GLUD1: variants seen among roughly 807,000 people sequenced by gnomAD.
The protein encoded by GLUD1 is glutamate dehydrogenase 1.
In GLUD1, 22 loss-of-function variants were observed where a neutral mutation model predicts 56.0. That is an observed-to-expected ratio of 0.39 (90% CI 0.28 to 0.56). The LOEUF is 0.56. Ranked by LOEUF, GLUD1 falls within the 20% of genes least tolerant of loss-of-function variation. The pLI, the probability that GLUD1 is intolerant of heterozygous loss-of-function variation, is 0.58. For synonymous variants in GLUD1, 223 were observed against 269.9 expected (o/e 0.83, Z 1.70); for missense variants, 451 against 732.0 (o/e 0.62, Z 4.43).
In GLUD1 at chr10:87,057,676, G is replaced by A. The variant is rs1845821460; in HGVS notation, c.1494+15C>T. 1 of 1,320,378 alleles carries A rather than the reference G, an allele frequency of 7.6e-7. No homozygotes were observed. The highest frequency in any genetic ancestry group is 1.1e-6 in the Non-Finnish European group (1 of 911,956). The allele number at this position is 1,320,378 out of a possible 1,614,324, so 81.8% of individuals were successfully genotyped here. On this transcript the variant is annotated intron_variant, in intron 11 of 12. Transcript: ENST00000277865. ...GAGCATGTGTGAAGTACAACTGTGGGGTCACCACACTCACCGATATCCTGT... is the reference window on the plus strand; with the variant it reads ...GAGCATGTGTGAAGTACAACTGTGGAGTCACCACACTCACCGATATCCTGT...
chr10:87,061,869 C>T (rs1485094086), intron 6 of GLUD1, among the ~76,000 whole-genome samples: 2 of 151,286 alleles, frequency 1.3e-5, no homozygotes, highest in African/African-American at 4.9e-5. Context: ...CTGCAAGCTC[C>T]ACCTCCCGGG....
intron 1 of GLUD1, among the ~76,000 whole-genome samples, chr10:87,077,907 C>G (rs1002372792): frequency 2.0e-5 from 3 of 151,950 alleles, no homozygotes; most frequent in Non-Finnish European, 4.4e-5. Context: ...GTAATGGGAG[C>G]CCCAGGGAGA....
intron 11 of GLUD1, among the ~76,000 whole-genome samples, chr10:87,056,790 T>C (rs1845787728): frequency 6.6e-6 from 1 of 151,968 alleles, no homozygotes. Context: ...TCACCACATA[T>C]ATGGAGAACA....
chr10:87,073,594 A>C (rs1403387604), intron 4 of GLUD1, among the ~76,000 whole-genome samples: 1 of 150,616 alleles, frequency 6.6e-6, no homozygotes, highest in Non-Finnish European at 1.5e-5. Context: ...TCTATTATTA[A>C]GTAACAATTA....
intron 1 of GLUD1, among the ~76,000 whole-genome samples, chr10:87,080,845 G>T (rs1303332117): frequency 6.6e-6 from 1 of 151,112 alleles, no homozygotes; most frequent in East Asian, 2.0e-4. Context: ...CGGGAGGGAG[G>T]TGGGGGGGTC....
At chr10:87,075,132 G>A (rs1412346155) in intron 3 of GLUD1, among the ~76,000 whole-genome samples, 1 of 152,112 alleles carries the variant, frequency 6.6e-6, no homozygotes, top group Non-Finnish European at 1.5e-5. Context: ...TTGAGACAGA[G>A]TCTTGCTCTG....
In GLUD1 at chr10:87,093,843, T is replaced by C. The variant is rs1363443977; in HGVS notation, c.445+482A>G. On this transcript the variant is annotated intron_variant, in intron 1 of 12. Transcript: ENST00000277865. The stretch of plus-strand genomic sequence containing the variant: ...TTCAAACTTAGAAGCCAAGTCATTT[T>C]CTATGTTCGGATATCATCTGTCACT... 2.8e-6 allele frequency: 3 copies of C among 1,077,320 alleles called. No homozygotes were observed. In the African/African-American group the frequency reaches 4.8e-5, roughly 17 times the overall value. The allele number at this position is 1,077,320 out of a possible 1,614,324, so 66.7% of individuals were successfully genotyped here.
In GLUD1 at chr10:87,094,665, T is replaced by A; in HGVS notation, c.105A>T (p.Gly35=). ...DSAALLGWAR[G]QPAAAPQPGL... is the part of the protein sequence containing the mutation. ...CCGGCTGCGGGGCGGCGGCGGGCTGTCCCCGGGCCCAGCCCAGCAACGCGG... is the reference window on the plus strand; with the variant it reads ...CCGGCTGCGGGGCGGCGGCGGGCTGACCCCGGGCCCAGCCCAGCAACGCGG... The change falls in exon 1 of 13, where the codon GGA becomes GGT. Residue 35 remains glycine (G), a synonymous_variant. Coordinates refer to ENST00000277865, the MANE Select transcript of GLUD1 (RefSeq NM_005271.5). The surrounding 1 kb of genome is among the most constrained non-coding windows in gnomAD (Gnocchi z 6.6). The A allele has an allele frequency of 6.4e-7, 1 of 1,566,248 alleles. No individual in the cohort carries two copies.
Position 87,057,680 on chromosome 10 carries a change from AC to A in GLUD1, c.1494+10del. 1 of 1,394,398 alleles carries A rather than the reference AC, an allele frequency of 7.2e-7. No homozygotes were observed. The highest frequency in any genetic ancestry group is 1.0e-6 in the Non-Finnish European group (1 of 979,342). The allele number at this position is 1,394,398 out of a possible 1,614,324, so 86.4% of individuals were successfully genotyped here. On this transcript the variant is annotated intron_variant, in intron 11 of 12. Coordinates refer to ENST00000277865, the MANE Select transcript of GLUD1 (RefSeq NM_005271.5). ...ATGTGTGAAGTACAACTGTGGGGTC[AC>A]CACACTCACCGATATCCTGTCTTGG...
In GLUD1 at chr10:87,074,576, C is replaced by T. The variant is rs1165448993; in HGVS notation, c.621G>A (p.Met207Ile). Residue 207 changes from methionine to isoleucine, a missense_variant, in exon 4 of 13, where the codon ATG becomes ATA. Met to Ile is a conservative substitution (Grantham distance 10). Coordinates refer to ENST00000277865, the MANE Select transcript of GLUD1 (RefSeq NM_005271.5). The part of the protein sequence containing the change: ...ELEKITRRFT[M>I]ELAKKGFIGP... ...CAATAAAGCCCTTTTTTGCTAGCTC[C>T]ATGGTGAACCTCCTTGTGATCTTTT... 5.0e-6 allele frequency: 8 copies of T among 1,592,530 alleles called. No homozygotes were observed. The highest frequency in any genetic ancestry group is 2.2e-5 in the East Asian group (1 of 44,768).
At chr10:87,088,976 G>T (rs1309110440) in intron 1 of GLUD1, among the ~76,000 whole-genome samples, 1 of 152,148 alleles carries the variant, frequency 6.6e-6, no homozygotes, top group Non-Finnish European at 1.5e-5. Context: ...GTTATTTCAG[G>T]TCTTCGGAGT....
At chr10:87,068,342 A>T (rs139974792) in intron 4 of GLUD1, among the ~76,000 whole-genome samples, 185 bp from the exon 5 acceptor site, 1 of 152,266 alleles carries the variant, frequency 6.6e-6, no homozygotes, top group Non-Finnish European at 1.5e-5. Flanking sequence ...ATGCAGACAC[A>T]TACAACATTA....
chr10:87,063,922 A>C (rs1589362300), intron 5 of GLUD1, among the ~76,000 whole-genome samples: 2 of 151,456 alleles, frequency 1.3e-5, no homozygotes, highest in African/African-American at 2.4e-5. Flanking sequence ...TCTGTCACCC[A>C]GGCTGGAGTG....
intron 1 of GLUD1, among the ~76,000 whole-genome samples, chr10:87,080,986 C>A (rs1054075190): frequency 4.3e-5 from 6 of 139,468 alleles, no homozygotes; most frequent in Non-Finnish European, 9.4e-5. Context: ...GTCAGCCCCC[C>A]GCCCGGCCAG....
At chr10:87,053,247 T>C in intron 12 of GLUD1, 95 bp downstream of exon 12, 1 of 832,176 alleles carries the variant, frequency 1.2e-6, no homozygotes, top group East Asian at 2.4e-5. Context: ...AGATTGATGT[T>C]TTCTATCAGC....
In GLUD1 at chr10:87,052,669, CAAAAAAAAAAAAAAAA is replaced by C. The variant is rs751155208; in HGVS notation, c.1557+657_1557+672del. Among the ~76,000 whole-genome samples, 155 of 41,746 alleles carry C rather than the reference CAAAAAAAAAAAAAAAA, an allele frequency of 3.7e-3. 1 individual carries two copies. The highest frequency in any genetic ancestry group is 9.3e-3 in the South Asian group (5 of 536). 27.4% of individuals were successfully genotyped at this position (41,746 alleles called of 152,430 possible). A position where few individuals can be genotyped will look rare whatever the true frequency, so the allele number is the denominator to read the frequency against. ...TGGGCAACAGGGCAAAACTCCGTCT[CAAAAAAAAAAAAAAAA>C]AAAAAAAAAAGGGAGTGATGAAAAT... is the stretch of plus-strand genomic sequence containing the variant. On this transcript the variant is annotated intron_variant, in intron 12 of 12. Coordinates refer to ENST00000277865, the MANE Select transcript of GLUD1 (RefSeq NM_005271.5).
chr10:87,056,292 CT>C (rs556387150), intron 11 of GLUD1, among the ~76,000 whole-genome samples: 176 of 135,258 alleles, frequency 1.3e-3, no homozygotes, highest in East Asian at 1.5e-3. Flanking sequence ...TACACCGTTT[CT>C]TTTTTTTTTT....
chr10:87,053,524 C>A, intron 11 of GLUD1, 120 bp from the exon 12 acceptor site: 1 of 726,120 alleles, frequency 1.4e-6, no homozygotes, highest in Non-Finnish European at 2.5e-6. Flanking sequence ...TGTCTTTTAG[C>A]TAAGATATGT....
intron 11 of GLUD1, 142 bp from the exon 12 acceptor site, chr10:87,053,546 A>G: frequency 1.4e-6 from 1 of 698,558 alleles, no homozygotes; most frequent in Non-Finnish European, 2.6e-6. Flanking sequence ...ATTTCTGCAC[A>G]GTATCAAAGA....
Sources: gnomAD v4.1 joint callset for allele counts (sites outside exome capture counted in the v4.1 genomes callset) on GRCh38, gnomAD v4.1.1 for gene constraint, Gnocchi (gnomAD v3.1) non-coding constraint, MANE v1.5 for transcripts, NCBI Gene and HGNC (gene_info 2026-07-23, HGNC 2026-07-21) for gene names.